Variants in ERBB4 observed in about 807,000 individuals in gnomAD.
The protein encoded by ERBB4 is erb-b2 receptor tyrosine kinase 4, also known as receptor tyrosine-protein kinase erbB-4.
ERBB4 carries 42 observed loss-of-function variants against 158.0 expected under a neutral mutation model. The observed-to-expected ratio is 0.27, with a 90% CI of 0.21 to 0.34. The LOEUF is 0.34. Among genes scored for constraint, ERBB4 ranks in the 10% least tolerant of loss-of-function variants. ERBB4 has a pLI of 1.00. For missense variants in ERBB4, 1,333 were observed against 1,624.1 expected, an observed-to-expected ratio of 0.82 and a Z score of 3.08; for synonymous variants, 583 against 558.7, an observed-to-expected ratio of 1.04 and a Z score of -0.61.
chr2:211,838,207 GTC>G (rs2077384102), intron 3 of ERBB4, among the ~76,000 whole-genome samples: 1 of 152,024 alleles, frequency 6.6e-6, no homozygotes. Context: ...GTTTATGAAA[GTC>G]TGGTTATTTG....
At chr2:212,004,429 A>G (rs2076212898) in intron 2 of ERBB4, among the ~76,000 whole-genome samples, 1 of 152,152 alleles carries the variant, frequency 6.6e-6, no homozygotes, top group African/African-American at 2.4e-5. Flanking sequence ...CCCGATTCCT[A>G]TTGACACTGG....
At chr2:212,310,641 G>A (rs868784374) in intron 1 of ERBB4, among the ~76,000 whole-genome samples, 3,210 of 117,756 alleles carry the variant, frequency 0.027, 103 homozygotes, top group African/African-American at 0.082. Context: ...GTGTGTGTGT[G>A]TGTATATATA....
At chr2:212,161,698 T>G (rs1050813941) in intron 1 of ERBB4, among the ~76,000 whole-genome samples, 2 of 151,890 alleles carry the variant, frequency 1.3e-5, no homozygotes, top group African/African-American at 4.8e-5. Flanking sequence ...AGGAAAGTGC[T>G]TATTATTTAC....
chr2:212,316,514 C>T (rs375075340), intron 1 of ERBB4, among the ~76,000 whole-genome samples: 4 of 151,602 alleles, frequency 2.6e-5, no homozygotes, highest in East Asian at 3.9e-4. Flanking sequence ...TTCGCATTCA[C>T]GCTAAGTAAG....
At chr2:212,497,496 G>A (rs1032155962) in intron 1 of ERBB4, among the ~76,000 whole-genome samples, 1 of 152,156 alleles carries the variant, frequency 6.6e-6, no homozygotes, top group East Asian at 1.9e-4. Flanking sequence ...TAGGCAATGT[G>A]AATAGTATTG....
intron 1 of ERBB4, among the ~76,000 whole-genome samples, chr2:212,533,126 G>A (rs1478646745): frequency 6.6e-6 from 1 of 152,030 alleles, no homozygotes; most frequent in African/African-American, 2.4e-5. Context: ...AATATTTTGG[G>A]GAAATTGCCC....
At chr2:212,481,058 A>C (rs1474002532) in intron 1 of ERBB4, among the ~76,000 whole-genome samples, 3 of 152,196 alleles carry the variant, frequency 2.0e-5, no homozygotes, top group Non-Finnish European at 4.4e-5. Flanking sequence ...TTAAGTGTAC[A>C]TGTGTGCATA....
intron 2 of ERBB4, among the ~76,000 whole-genome samples, chr2:211,999,218 T>C (rs2076046857): frequency 1.3e-5 from 2 of 151,860 alleles, no homozygotes; most frequent in South Asian, 4.1e-4. Flanking sequence ...CTTATCTGAC[T>C]GCCTTAATTA....
intron 1 of ERBB4, among the ~76,000 whole-genome samples, chr2:212,314,584 T>C (rs2087191919): frequency 6.6e-6 from 1 of 151,100 alleles, no homozygotes; most frequent in East Asian, 2.0e-4. Context: ...AATAACCATA[T>C]TTTGGTGATT....
At chr2:212,409,291 G>A (rs182607293) in intron 1 of ERBB4, among the ~76,000 whole-genome samples, 364 of 152,094 alleles carry the variant, frequency 2.4e-3, no homozygotes, top group Non-Finnish European at 4.2e-3. Context: ...CTTAGGTATC[G>A]GCTCAATTTA....
At chr2:212,396,199 C>T (rs1045266077) in intron 1 of ERBB4, among the ~76,000 whole-genome samples, 10 of 152,090 alleles carry the variant, frequency 6.6e-5, no homozygotes, top group African/African-American at 2.4e-4. Context: ...CTTTAATGAA[C>T]TCCAGAGGAG....
chr2:211,871,213 A>G (rs2106114013), intron 3 of ERBB4, among the ~76,000 whole-genome samples: 1 of 152,318 alleles, frequency 6.6e-6, no homozygotes, highest in East Asian at 1.9e-4. Flanking sequence ...AAATTTTTTA[A>G]GCTGCCAAAA....
intron 4 of ERBB4, among the ~76,000 whole-genome samples, chr2:211,785,670 G>C (rs2076143561): frequency 6.6e-6 from 1 of 152,064 alleles, no homozygotes; most frequent in Non-Finnish European, 1.5e-5. Flanking sequence ...ATTTGTTGAA[G>C]AGACTTCCCT....
intron 1 of ERBB4, among the ~76,000 whole-genome samples, chr2:212,325,543 T>A (rs901508599): frequency 3.3e-5 from 5 of 150,894 alleles, no homozygotes; most frequent in African/African-American, 1.2e-4. Flanking sequence ...GTTTTTCTTT[T>A]CTACTTAATT....
At chr2:212,135,193 A>G (rs1050974824) in intron 1 of ERBB4, among the ~76,000 whole-genome samples, 1 of 152,156 alleles carries the variant, frequency 6.6e-6, no homozygotes, top group Non-Finnish European at 1.5e-5. Context: ...GTTGATTACA[A>G]TAGTCTTTGA....
chr2:212,476,669 T>C (rs910293162), intron 1 of ERBB4, among the ~76,000 whole-genome samples: 15 of 152,132 alleles, frequency 9.9e-5, no homozygotes, highest in Non-Finnish European at 2.2e-4. Flanking sequence ...ATGCCAAAGG[T>C]ACCAAACAAA....
chr2:211,533,878 T>C (rs773071526), intron 20 of ERBB4, among the ~76,000 whole-genome samples: 1 of 152,010 alleles, frequency 6.6e-6, no homozygotes, highest in Non-Finnish European at 1.5e-5. Context: ...CTTAAAAAAA[T>C]ACAGAAAATC....
At chr2:212,376,402 G>C (rs767847758) in intron 1 of ERBB4, among the ~76,000 whole-genome samples, 4 of 151,960 alleles carry the variant, frequency 2.6e-5, no homozygotes, top group Non-Finnish European at 5.9e-5. Flanking sequence ...TTGACTTTCC[G>C]GAAGGCATTT....
intron 2 of ERBB4, among the ~76,000 whole-genome samples, chr2:211,993,450 GTGCTATTTTGTTAC>G (rs1328114169): frequency 6.6e-6 from 1 of 152,050 alleles, no homozygotes; most frequent in African/African-American, 2.4e-5. Context: ...CACTCAGGGT[GTGCTATTTTGTTAC>G]TGCCTAGCTA....
Sources: allele counts gnomAD v4.1 joint callset (sites outside exome capture counted in the v4.1 genomes callset), GRCh38; gene constraint gnomAD v4.1.1; transcripts MANE v1.5; gene names NCBI Gene and HGNC (gene_info 2026-07-23, HGNC 2026-07-21).